Variants in CACNA1C observed in about 807,000 individuals in gnomAD.
CACNA1C encodes the protein voltage-dependent L-type calcium channel subunit alpha-1C.
Under a neutral mutation model 229.0 loss-of-function variants are expected in CACNA1C, and 30 were observed. The observed-to-expected ratio is 0.13, with a 90% CI of 0.10 to 0.18. The LOEUF (loss-of-function observed/expected upper bound fraction) is 0.18, where lower values mean the gene tolerates loss of function less well. Among genes scored for constraint, CACNA1C ranks in the 10% least tolerant of loss-of-function variants. CACNA1C has a pLI of 1.00. For missense variants in CACNA1C, 1,658 were observed against 2,845.0 expected (o/e 0.58, Z 9.49); for synonymous variants, 1,114 against 1,132.5 (o/e 0.98, Z 0.33).
At chr12:2,621,840 G>A (rs992200031) in intron 29 of CACNA1C, among the ~76,000 whole-genome samples, 1 of 152,182 alleles carries the variant, frequency 6.6e-6, no homozygotes, top group Non-Finnish European at 1.5e-5. Context: ...TGAGAATGTG[G>A]GGATATATTA....
chr12:2,115,682 A>G (rs1041012704), intron 2 of CACNA1C, 137 bp downstream of exon 2: 1 of 753,830 alleles, frequency 1.3e-6, no homozygotes, highest in Non-Finnish European at 2.2e-6. Context: ...CATCTGCATC[A>G]CTGGGGTGCT....
intron 9 of CACNA1C, among the ~76,000 whole-genome samples, chr12:2,528,531 A>G (rs1194014757): frequency 3.3e-5 from 5 of 152,200 alleles, no homozygotes; most frequent in Non-Finnish European, 7.3e-5. Context: ...CTGCACGGAA[A>G]GCCCAGCCCC....
intron 3 of CACNA1C, among the ~76,000 whole-genome samples, chr12:2,139,883 T>G (rs1421007787): frequency 6.6e-6 from 1 of 151,244 alleles, no homozygotes; most frequent in Non-Finnish European, 1.5e-5. Flanking sequence ...TGCCCTGGCT[T>G]CTGGATCCCT....
chr12:1,989,452 C>A (rs760243872), intron 1 of CACNA1C, among the ~76,000 whole-genome samples: 1 of 152,210 alleles, frequency 6.6e-6, no homozygotes, highest in African/African-American at 2.4e-5. Context: ...TGGTGGCTCA[C>A]GCCTATAATC....
chr12:2,366,663 C>T (rs1338748099), intron 3 of CACNA1C, among the ~76,000 whole-genome samples: 1 of 152,186 alleles, frequency 6.6e-6, no homozygotes, highest in Non-Finnish European at 1.5e-5. Context: ...TCTATGACAG[C>T]AGTCCCCAAC....
At chr12:2,547,558 C>T (rs553601642) in intron 9 of CACNA1C, 30 of 777,694 alleles carry the variant, frequency 3.9e-5, no homozygotes, top group Admixed American at 1.2e-4. Flanking sequence ...TGTGTAAATG[C>T]GTGTGGGTGC....
At chr12:2,494,178 C>T (rs960725597) in intron 7 of CACNA1C, among the ~76,000 whole-genome samples, 2 of 152,148 alleles carry the variant, frequency 1.3e-5, no homozygotes, top group African/African-American at 4.8e-5. Flanking sequence ...CGAGAGCCAC[C>T]CAATCAATAG....
intron 1 of CACNA1C, among the ~76,000 whole-genome samples, chr12:2,055,498 C>T (rs2054337218): frequency 6.6e-6 from 1 of 152,236 alleles, no homozygotes; most frequent in Admixed American, 6.5e-5. Flanking sequence ...TAAACCCCTT[C>T]TGAACCCATT....
chr12:2,205,391 T>C (rs1259197949), intron 3 of CACNA1C, among the ~76,000 whole-genome samples: 1 of 152,190 alleles, frequency 6.6e-6, no homozygotes, highest in Non-Finnish European at 1.5e-5. Context: ...TTAATTTGGC[T>C]TTCTCTTCGG....
chr12:2,549,553 G>C (rs1297646907), intron 9 of CACNA1C, among the ~76,000 whole-genome samples: 1 of 152,178 alleles, frequency 6.6e-6, no homozygotes, highest in Non-Finnish European at 1.5e-5. Context: ...TAAGGAAAAT[G>C]ATATATTTTC....
rs182261522 is a variant in CACNA1C at position 2,189,071 on chromosome 12, C to T, written c.477+68641C>T. Among the ~76,000 whole-genome samples the T allele has an allele frequency of 8.7e-3, 1,138 of 131,104 alleles. 11 individuals are homozygous for T. Among genetic ancestry groups the T allele is most frequent in the African/African-American group, 0.031 (1,050 of 34,390 alleles). 86.0% of individuals were successfully genotyped at this position (131,104 alleles called of 152,430 possible). A position where few individuals can be genotyped will look rare whatever the true frequency, so the allele number is the denominator to read the frequency against. ...TCACACCACTACACTCCAGCCTGCG[C>T]GACAGAACGAGACTCCGTCTCAAAA... is the stretch of plus-strand genomic sequence containing the variant. On this transcript the variant is annotated intron_variant, in intron 3 of 46. Transcript: ENST00000399655.
Position 2,287,634 on chromosome 12 carries a change from A to G in CACNA1C, c.478-161342A>G, listed in dbSNP as rs1353930361. ...TGGCCACACATAAGAATCATCTGGG[A>G]TCATTTAACAAAAAACAATGCCAGG... On this transcript the variant is annotated intron_variant, in intron 3 of 46. Coordinates refer to ENST00000399655, the MANE Select transcript of CACNA1C (RefSeq NM_000719.7). This position sits in a 1 kb window ranked among gnomAD's most constrained non-coding sequence, Gnocchi z 4.6. Among the ~76,000 whole-genome samples, 1 of 152,110 alleles carries G rather than the reference A, an allele frequency of 6.6e-6. No homozygotes were observed. Among genetic ancestry groups the G allele is most frequent in the Admixed American group, 6.5e-5 (1 of 15,270 alleles).
At chr12:2,183,706 C>T (rs2154286379) in intron 3 of CACNA1C, among the ~76,000 whole-genome samples, 1 of 152,374 alleles carries the variant, frequency 6.6e-6, no homozygotes, top group South Asian at 2.1e-4. Flanking sequence ...GGCCCCAGGG[C>T]CAGCCCTGCT....
chr12:2,412,121 T>A (rs1191860547), intron 3 of CACNA1C, among the ~76,000 whole-genome samples: 1 of 151,492 alleles, frequency 6.6e-6, no homozygotes, highest in Non-Finnish European at 1.5e-5. Context: ...CCCCTGTGGC[T>A]GTGGAGGTCC....
chr12:2,393,409 G>A (rs1288017397), intron 3 of CACNA1C, among the ~76,000 whole-genome samples: 2 of 152,216 alleles, frequency 1.3e-5, no homozygotes, highest in African/African-American at 4.8e-5. Context: ...GCATCCATTA[G>A]TGAGGCTAGA....
rs2074960491 is a variant in CACNA1C at position 2,605,604 on chromosome 12, G to A, written c.3049-75G>A. ...TACTCCCCGTTGTGGCAAACGGGCTGCCCCTGCTACCTCCTGGAAAGGCTC... is the reference window on the plus strand; with the variant it reads ...TACTCCCCGTTGTGGCAAACGGGCTACCCCTGCTACCTCCTGGAAAGGCTC... On this transcript the variant is annotated intron_variant, in intron 23 of 46. Transcript: ENST00000399655. The surrounding 1 kb of genome is among the most constrained non-coding windows in gnomAD (Gnocchi z 6.2). The A allele has an allele frequency of 9.4e-7, 1 of 1,066,232 alleles. No individual in the cohort carries two copies. Among genetic ancestry groups the A allele is most frequent in the Non-Finnish European group, 1.5e-6 (1 of 686,018 alleles). 66.0% of individuals were successfully genotyped at this position (1,066,232 alleles called of 1,614,324 possible).
rs2087708076 is a variant in CACNA1C, at chr12:2,275,897, C to T, written c.477+155467C>T. Among the ~76,000 whole-genome samples, 1 of 152,116 alleles carries T rather than the reference C, an allele frequency of 6.6e-6. No homozygotes were observed. Among genetic ancestry groups the T allele is most frequent in the Non-Finnish European group, 1.5e-5 (1 of 68,010 alleles). On this transcript the variant is annotated intron_variant, in intron 3 of 46. Coordinates refer to ENST00000399655, the MANE Select transcript of CACNA1C (RefSeq NM_000719.7). The surrounding 1 kb of genome is among the most constrained non-coding windows in gnomAD (Gnocchi z 4.1). ...GGTTTTGAGCCAGACGGAAAGTCAT[C>T]AAGCCCAGTTACAGTCATCCCTTGG...
chr12:2,587,838 T>C (rs1040568499), intron 18 of CACNA1C, among the ~76,000 whole-genome samples: 1 of 152,132 alleles, frequency 6.6e-6, no homozygotes, highest in African/African-American at 2.4e-5. Flanking sequence ...AGACCTCTGG[T>C]CCATACCCTG....
chr12:2,608,667 G>A lies in CACNA1C; in HGVS notation c.3513G>A (p.Glu1171=). Residue 1171 remains glutamate, a synonymous_variant, in exon 27 of 47, where the codon GAG becomes GAA. Transcript: ENST00000399655. This position sits in a 1 kb window ranked among gnomAD's most constrained non-coding sequence, Gnocchi z 4.2. ...GCTTCGTCATCGTCACCTTTCAGGA[G>A]CAGGGGGAGCAGGAGTACAAGAACT... is the stretch of plus-strand genomic sequence containing the variant. ...FVGFVIVTFQ[E]QGEQEYKNCE... is the part of the protein sequence containing the mutation. 1.2e-6 allele frequency: 2 copies of A among 1,614,186 alleles called. No homozygotes were observed. Among genetic ancestry groups the A allele is most frequent in the South Asian group, 1.1e-5 (1 of 91,074 alleles).
Sources: gnomAD v4.1 joint callset for allele counts (sites outside exome capture counted in the v4.1 genomes callset) on GRCh38, gnomAD v4.1.1 for gene constraint, Gnocchi (gnomAD v3.1) non-coding constraint, MANE v1.5 for transcripts, NCBI Gene and HGNC (gene_info 2026-07-23, HGNC 2026-07-21) for gene names.